The following USH1C variants were observed in gnomAD, a reference collection of about 807,000 sequenced individuals.
USH1C encodes harmonin.
A neutral mutation model predicts 119.3 loss-of-function variants in USH1C; 90 were observed. The observed-to-expected ratio is 0.75, with a 90% confidence interval of 0.64 to 0.90. The LOEUF (loss-of-function observed/expected upper bound fraction) is 0.90, where lower values mean the gene tolerates loss of function less well. USH1C is among the 40% of genes least tolerant of loss of function. The pLI is 0.00. For synonymous variants in USH1C, 465 were observed against 443.3 expected (o/e 1.05, Z -0.62); for missense variants, 1,165 against 1,167.7 (o/e 1.00, Z 0.03).
At chr11:17,501,732 C>T (rs868183063) in intron 21 of USH1C, among the ~76,000 whole-genome samples, 197 bp from the exon 22 acceptor site, 3 of 152,146 alleles carry the variant, frequency 2.0e-5, no homozygotes, top group African/African-American at 7.2e-5. Flanking sequence ...GACACACACA[C>T]GTGCATGTGC....
Position 17,511,936 on chromosome 11 carries a change from T to C in USH1C, c.1379A>G (p.Glu460Gly), listed in dbSNP as rs1849910364. 1 of 1,613,976 alleles carries C rather than the reference T, an allele frequency of 6.2e-7. No homozygotes were observed. Among genetic ancestry groups the C allele is most frequent in the Non-Finnish European group, 8.5e-7 (1 of 1,180,010 alleles). Residue 460 changes from glutamate to glycine, a missense_variant, in exon 16 of 27, where the codon GAA (glutamate) becomes GGA (glycine). Glu to Gly is a moderately conservative substitution (Grantham distance 98). Transcript: ENST00000005226. ...CAGCCGGTTGATCTTTAGCTGCTTT[T>C]CCTTCTCCAGCATTTCCTCTTTCTC... ...YKEKEEMLEKEKQLKINRLAQ... is the reference protein window; with the variant it reads ...YKEKEEMLEKGKQLKINRLAQ...
intron 26 of USH1C, chr11:17,495,065 A>G: frequency 4.4e-6 from 1 of 226,390 alleles, no homozygotes. Flanking sequence ...ACCTCTTAAT[A>G]GCCCTGGTTC....
intron 1 of USH1C, among the ~76,000 whole-genome samples, chr11:17,540,131 T>C (rs376689902): frequency 3.3e-5 from 5 of 152,154 alleles, no homozygotes; most frequent in African/African-American, 1.2e-4. Flanking sequence ...CACACCTGAC[T>C]TCTTTTCTTT....
rs142105944 is a variant in USH1C at position 17,512,619 on chromosome 11, C to T, written c.1261-565G>A. On this transcript the variant is annotated intron_variant, in intron 15 of 26. Transcript: ENST00000005226. ...CAAGCTTCATCTGTAGAGGTCCCGTCCTAAGCTAGAAGTGATAGGAGTCAC... is the reference window on the plus strand; with the variant it reads ...CAAGCTTCATCTGTAGAGGTCCCGTTCTAAGCTAGAAGTGATAGGAGTCAC... 1.4e-4 allele frequency among the ~76,000 whole-genome samples: 22 copies of T among 152,270 alleles called. No individual in the cohort carries two copies. In the East Asian group the frequency reaches 4.1e-3, roughly 28 times the overall value.
intron 24 of USH1C, among the ~76,000 whole-genome samples, chr11:17,497,609 G>T (rs1041216640): frequency 6.6e-6 from 1 of 152,174 alleles, no homozygotes; most frequent in South Asian, 2.1e-4. Flanking sequence ...CCTCAGGCTC[G>T]GCTGCCTGCA....
chr11:17,495,237 T>C, intron 26 of USH1C: 1 of 397,158 alleles, frequency 2.5e-6, no homozygotes, highest in South Asian at 2.5e-5. Flanking sequence ...AGGCATTGTC[T>C]GTGTCCCTCA....
intron 7 of USH1C, 115 bp downstream of exon 7, chr11:17,526,638 G>T: frequency 2.3e-6 from 3 of 1,278,386 alleles, no homozygotes; most frequent in South Asian, 1.3e-5. Flanking sequence ...TGCCCTGGGA[G>T]CCTGTGTGAA....
chr11:17,517,621 AGAG>A (rs1276402107), intron 14 of USH1C: 1 of 788,190 alleles, frequency 1.3e-6, no homozygotes, highest in Non-Finnish European at 2.1e-6. Context: ...AGAGTTCAGG[AGAG>A]CAGAGCAAAG....
intron 1 of USH1C, among the ~76,000 whole-genome samples, chr11:17,535,066 C>T (rs1220861382): frequency 2.0e-5 from 3 of 152,176 alleles, no homozygotes; most frequent in Non-Finnish European, 4.4e-5. Flanking sequence ...CTCCCTGAGA[C>T]AGGCCTGGGC....
chr11:17,515,226 C>A (rs1210872915), intron 15 of USH1C, among the ~76,000 whole-genome samples: 1 of 152,106 alleles, frequency 6.6e-6, no homozygotes, highest in Non-Finnish European at 1.5e-5. Context: ...TTTCTGAGAC[C>A]AGGACAATGT....
rs1429287465 is a variant in USH1C, at chr11:17,509,585, C to G, written c.1784G>C (p.Trp595Ser). 6.3e-7 allele frequency: 1 copy of G among 1,592,070 alleles called. No homozygotes were observed. Among genetic ancestry groups the G allele is most frequent in the Non-Finnish European group, 8.5e-7 (1 of 1,174,030 alleles). Residue 595 changes from tryptophan (W) to serine (S), a missense_variant, in exon 18 of 27, where the codon TGG becomes TCG. Trp to Ser is a radical substitution (Grantham distance 177). Coordinates refer to ENST00000005226, the MANE Select transcript of USH1C (RefSeq NM_153676.4). ...SGHVSASSSP[W>S]VQRTPPPIPI... ...AATGGGGGGTGGAGTGCGCTGCACCCATGGAGAGGATGAGGCGCTCACATG... is the reference window on the plus strand; with the variant it reads ...AATGGGGGGTGGAGTGCGCTGCACCGATGGAGAGGATGAGGCGCTCACATG...
At chr11:17,510,575 CAT>C (rs1362530244) in intron 16 of USH1C, 54 bp from the exon 17 acceptor site, 1 of 1,309,822 alleles carries the variant, frequency 7.6e-7, no homozygotes, top group Non-Finnish European at 1.1e-6. Flanking sequence ...ATTTGAATAA[CAT>C]GTGGATAGAA....
At chr11:17,494,525 A>G (rs1030882925) in intron 26 of USH1C, 149 bp from the exon 27 acceptor site, 8 of 843,698 alleles carry the variant, frequency 9.5e-6, no homozygotes, top group Non-Finnish European at 9.8e-6. Flanking sequence ...TGCAGGCCCC[A>G]AGTGGCTACA....
chr11:17,511,621 AC>A (rs931575570), intron 16 of USH1C, among the ~76,000 whole-genome samples: 5 of 151,792 alleles, frequency 3.3e-5, no homozygotes, highest in Non-Finnish European at 5.9e-5. Context: ...TCAGACTCAC[AC>A]CCCCCGACCA....
intron 12 of USH1C, 103 bp downstream of exon 12, chr11:17,522,681 A>T: frequency 6.5e-7 from 1 of 1,547,902 alleles, no homozygotes; most frequent in South Asian, 1.1e-5. Context: ...TCCAGGGAGG[A>T]GGAGGAAGTT....
intron 18 of USH1C, among the ~76,000 whole-genome samples, chr11:17,508,220 C>G (rs1378533730): frequency 1.3e-5 from 2 of 152,248 alleles, no homozygotes; most frequent in Non-Finnish European, 2.9e-5. Flanking sequence ...GTCCCGAGAA[C>G]AGGCAGATTT....
intron 13 of USH1C, 139 bp downstream of exon 13, chr11:17,521,207 C>T (rs1007377145): frequency 3.7e-6 from 4 of 1,078,736 alleles, no homozygotes; most frequent in Non-Finnish European, 4.3e-6. Flanking sequence ...ATATGACAGG[C>T]TTTACTACAA....
chr11:17,544,226 C>G (rs1352421299), intron 1 of USH1C, 46 bp downstream of exon 1: 2 of 1,613,204 alleles, frequency 1.2e-6, no homozygotes, highest in Admixed American at 1.7e-5. Context: ...CCACCGCGCC[C>G]AGGACTCCGG....
In USH1C at chr11:17,534,044, G is replaced by A. The variant is rs187473515; in HGVS notation, c.37-722C>T. The stretch of plus-strand genomic sequence containing the variant: ...GTGTCATTAGCACCTCAATCCCAGC[G>A]GGAGGCCCTGAATTCCACTCCCTGA... On this transcript the variant is annotated intron_variant, in intron 1 of 26. Transcript: ENST00000005226. Among the ~76,000 whole-genome samples, 16 of 152,334 alleles carry A rather than the reference G, an allele frequency of 1.1e-4. 2 individuals carry two copies. The East Asian group carries it at 2.7e-3, about 26-fold the overall frequency.
Sources: allele counts gnomAD v4.1 joint callset (sites outside exome capture counted in the v4.1 genomes callset), GRCh38; gene constraint gnomAD v4.1.1; transcripts MANE v1.5; gene names NCBI Gene and HGNC (gene_info 2026-07-23, HGNC 2026-07-21).